Variants in MAK observed in about 807,000 individuals in gnomAD.
The protein encoded by MAK is male germ cell associated kinase, also known as serine/threonine-protein kinase MAK.
In MAK, 65 loss-of-function variants were observed where a neutral mutation model predicts 82.6. That is an observed-to-expected ratio of 0.79 (90% CI 0.64 to 0.97). MAK has a LOEUF of 0.97. Among genes scored for constraint, MAK ranks in the 50% least tolerant of loss-of-function variants. The pLI, the probability that MAK is intolerant of heterozygous loss-of-function variation, is 0.00. For synonymous variants in MAK, 250 were observed against 274.2 expected, an observed-to-expected ratio of 0.91 and a Z score of 0.87; for missense variants, 703 against 780.2, an observed-to-expected ratio of 0.90 and a Z score of 1.18.
At chr6:10,813,771 C>A in intron 4 of MAK, 48 bp from the exon 5 acceptor site, 4 of 1,061,146 alleles carry the variant, frequency 3.8e-6, no homozygotes, top group Non-Finnish European at 5.9e-6. Context: ...AACCAGCCAA[C>A]CAATCCAAAG....
chr6:10,792,143 G>A (rs1775141740), intron 9 of MAK, among the ~76,000 whole-genome samples: 1 of 42,564 alleles, frequency 2.3e-5, no homozygotes, highest in Non-Finnish European at 3.9e-5. Context: ...CTGAGACTTG[G>A]CTATGCTCTT....
chr6:10,778,186 G>A (rs970253080), intron 11 of MAK, among the ~76,000 whole-genome samples: 5 of 152,164 alleles, frequency 3.3e-5, no homozygotes, highest in African/African-American at 4.8e-5. Flanking sequence ...CAGGCAGTGC[G>A]TGGCATTGGA....
intron 2 of MAK, chr6:10,827,560 T>C (rs1010754255): frequency 7.2e-5 from 11 of 152,252 alleles, no homozygotes; most frequent in Admixed American, 2.0e-4. Context: ...ATATTACTTC[T>C]GATATTTCAC....
At chr6:10,813,280 C>G (rs1268774753) in intron 5 of MAK, among the ~76,000 whole-genome samples, 1 of 146,254 alleles carries the variant, frequency 6.8e-6, no homozygotes, top group East Asian at 2.0e-4. Flanking sequence ...TCCTGAGTAG[C>G]TGGGATTACA....
At chr6:10,802,173 G>T in intron 7 of MAK, 114 bp from the exon 8 acceptor site, 1 of 776,424 alleles carries the variant, frequency 1.3e-6, no homozygotes, top group Non-Finnish European at 2.1e-6. Context: ...ACATTTTCAT[G>T]TTGATCCATA....
chr6:10,765,933 G>T lies in MAK; in HGVS notation c.1793-1327C>A, dbSNP rs191184807. Among the ~76,000 whole-genome samples, 7 of 152,230 alleles carry T rather than the reference G, an allele frequency of 4.6e-5. No individual in the cohort carries two copies. In the East Asian group the frequency reaches 1.3e-3, roughly 29 times the overall value. ...AAAATTTAAAATTTCTTGAACATTT[G>T]TTATCTGAACAATTTATGAGCTAAA... On this transcript the variant is annotated intron_variant, in intron 14 of 14. Coordinates refer to ENST00000354489, the MANE Select transcript of MAK (RefSeq NM_001242957.3).
intron 6 of MAK, among the ~76,000 whole-genome samples, chr6:10,807,336 C>CTTTTTTTTTT (rs35237927): frequency 1.4e-5 from 1 of 73,734 alleles, no homozygotes; most frequent in Non-Finnish European, 2.4e-5. Context: ...ACATATATTC[C>CTTTTTTTTTT]TTTTTTTTTT....
At chr6:10,828,982 A>T (rs1462041604) in intron 2 of MAK, 1 of 152,216 alleles carries the variant, frequency 6.6e-6, no homozygotes. Flanking sequence ...GTTTAAGCCA[A>T]CCAGTCTGTG....
chr6:10,780,140 G>A (rs770006694), intron 11 of MAK: 94 of 482,764 alleles, frequency 1.9e-4, no homozygotes, highest in Non-Finnish European at 2.4e-4. Context: ...AACCACGACC[G>A]CCAATAGGTG....
At chr6:10,815,403 C>T (rs922129609) in intron 4 of MAK, among the ~76,000 whole-genome samples, 2 of 151,968 alleles carry the variant, frequency 1.3e-5, no homozygotes, top group South Asian at 4.1e-4. Flanking sequence ...CAGGTGGATC[C>T]CTTGAGTTCA....
chr6:10,835,410 C>T (rs1026637575), intron 1 of MAK, among the ~76,000 whole-genome samples: 3 of 152,194 alleles, frequency 2.0e-5, no homozygotes, highest in Non-Finnish European at 4.4e-5. Flanking sequence ...CAGGCGCGTG[C>T]CACCATGCCC....
chr6:10,830,962 A>G, intron 1 of MAK, 85 bp from the exon 2 acceptor site: 1 of 359,210 alleles, frequency 2.8e-6, no homozygotes, highest in South Asian at 2.4e-5. Flanking sequence ...CAAAGGGAAA[A>G]TTATAAATAA....
intron 9 of MAK, among the ~76,000 whole-genome samples, chr6:10,792,977 A>G (rs1051120129): frequency 6.6e-6 from 1 of 152,182 alleles, no homozygotes; most frequent in African/African-American, 2.4e-5. Context: ...ACTGATCCTG[A>G]ACACTGCTGA....
intron 8 of MAK, 62 bp from the exon 9 acceptor site, chr6:10,796,371 A>C: frequency 2.2e-6 from 3 of 1,389,498 alleles, no homozygotes; most frequent in Non-Finnish European, 3.0e-6. Context: ...ATTGCACATA[A>C]ACTATGGTTG....
rs1773469050 is a variant in MAK at position 10,776,508 on chromosome 6, G to A, written c.1466-1049C>T. On this transcript the variant is annotated intron_variant, in intron 11 of 14. Transcript: ENST00000354489. The surrounding 1 kb of genome is among the most constrained non-coding windows in gnomAD (Gnocchi z 4.3). ...TATGCCTTTTGGTCATTCACGGAGA[G>A]TTTTCTTTATCTAGTGTAGAAATCA... Among the ~76,000 whole-genome samples, 1 of 152,062 alleles carries A rather than the reference G, an allele frequency of 6.6e-6. No individual in the cohort carries two copies. The highest frequency in any genetic ancestry group is 1.5e-5 in the Non-Finnish European group (1 of 68,012).
rs187963822 is a variant in MAK at position 10,763,488 on chromosome 6, C to T, written c.*964G>A. Reference sequence around the variant, plus strand: ...TGGTCAAGATCAAAACACAAGCCGTCCACTAAAATCAAGTGGCATAACTTT... The same window carrying T: ...TGGTCAAGATCAAAACACAAGCCGTTCACTAAAATCAAGTGGCATAACTTT... On this transcript the variant is annotated 3_prime_UTR_variant, in exon 15 of 15. Coordinates refer to ENST00000354489, the MANE Select transcript of MAK (RefSeq NM_001242957.3). 6.6e-6 allele frequency: 1 copy of T among 151,538 alleles called. No individual in the cohort carries two copies. The highest frequency in any genetic ancestry group is 6.6e-5 in the Admixed American group (1 of 15,222). 9.4% of individuals were successfully genotyped at this position (151,538 alleles called of 1,614,324 possible). A position where few individuals can be genotyped will look rare whatever the true frequency, so the allele number is the denominator to read the frequency against.
At chr6:10,789,642 G>A (rs192711795) in intron 10 of MAK, among the ~76,000 whole-genome samples, 6 of 152,304 alleles carry the variant, frequency 3.9e-5, no homozygotes, top group Admixed American at 2.6e-4. Flanking sequence ...TAAAAGTTAT[G>A]TGAATGTGCT....
intron 10 of MAK, chr6:10,785,012 C>G: frequency 2.2e-6 from 1 of 456,058 alleles, no homozygotes; most frequent in Non-Finnish European, 4.4e-6. Flanking sequence ...GCTAGAAAAG[C>G]TCCCGTATAC....
chr6:10,776,454 T>C lies in MAK; in HGVS notation c.1466-995A>G, dbSNP rs1773463781. On this transcript the variant is annotated intron_variant, in intron 11 of 14. Coordinates refer to ENST00000354489, the MANE Select transcript of MAK (RefSeq NM_001242957.3). The surrounding 1 kb of genome is among the most constrained non-coding windows in gnomAD (Gnocchi z 4.3). ...CTTGAGCTTGTTTTCTTTTCACTGA[T>C]AATTAAATTAGAGTGAACTTGAGCA... Among the ~76,000 whole-genome samples, 1 of 152,190 alleles carries C rather than the reference T, an allele frequency of 6.6e-6. No homozygotes were observed. Among genetic ancestry groups the C allele is most frequent in the Non-Finnish European group, 1.5e-5 (1 of 68,026 alleles).
Sources: allele counts gnomAD v4.1 joint callset (sites outside exome capture counted in the v4.1 genomes callset), GRCh38; gene constraint gnomAD v4.1.1; non-coding constraint Gnocchi (gnomAD v3.1); transcripts MANE v1.5; gene names NCBI Gene and HGNC (gene_info 2026-07-23, HGNC 2026-07-21).